Variants in FUS observed in about 807,000 individuals in gnomAD.
FUS encodes the protein FUS RNA binding protein.
FUS carries 5 observed loss-of-function variants against 82.7 expected under a neutral mutation model. That is an observed-to-expected ratio of 0.06 (90% CI 0.03 to 0.13). FUS has a LOEUF of 0.13. Among genes scored for constraint, FUS ranks in the 10% least tolerant of loss-of-function variants. The probability of loss-of-function intolerance (pLI) is 1.00; values close to 1 mark genes in which losing one functional copy is unlikely to be tolerated. For synonymous variants in FUS, 281 were observed against 247.4 expected (o/e 1.14, Z -1.27); for missense variants, 512 against 707.8 (o/e 0.72, Z 3.14).
At chr16:31,181,517 G>A (rs1270818404) in intron 1 of FUS, among the ~76,000 whole-genome samples, 1 of 152,168 alleles carries the variant, frequency 6.6e-6, no homozygotes, top group East Asian at 1.9e-4. Context: ...TCTGTCATTT[G>A]GGGTCCAAGG....
chr16:31,181,757 GT>G (rs2079182927), intron 1 of FUS, among the ~76,000 whole-genome samples: 2 of 152,196 alleles, frequency 1.3e-5, no homozygotes, highest in South Asian at 4.1e-4. Context: ...TTCTCATAGA[GT>G]GGATGAAACG....
intron 3 of FUS, chr16:31,182,885 T>C: frequency 1.8e-6 from 1 of 548,764 alleles, no homozygotes; most frequent in Middle Eastern, 5.0e-4. Flanking sequence ...CCTGGCTAAT[T>C]TTGTGTTTTT....
intron 5 of FUS, 145 bp from the exon 6 acceptor site, chr16:31,184,792 AAG>A: frequency 1.2e-6 from 1 of 842,854 alleles, no homozygotes; most frequent in South Asian, 1.6e-5. Flanking sequence ...TTTAGCTTAA[AAG>A]AGGGTTCCTG....
At chr16:31,192,629 C>T (rs749752270), downstream of FUS, 44 of 483,244 alleles carry the variant, frequency 9.1e-5, no homozygotes, top group African/African-American at 1.8e-4. Context: ...GGCGTGATCT[C>T]GGCTCACTGT....
chr16:31,191,992 G>C (rs1228309572), downstream of FUS: 2 of 533,334 alleles, frequency 3.8e-6, no homozygotes, highest in East Asian at 7.8e-5. Context: ...GCAGTATTCA[G>C]ATTTGACCAT....
intron 10 of FUS, 98 bp downstream of exon 10, chr16:31,189,892 C>CACTT (rs1320450114): frequency 1.2e-6 from 2 of 1,601,494 alleles, no homozygotes; most frequent in Non-Finnish European, 1.7e-6. Context: ...AGTCTTCCAA[C>CACTT]ACTTACTTTA....
At position 31,183,851 on chromosome 16, in the gene FUS, C is replaced by T. The variant is rs775215259; in HGVS notation, c.191-7C>T. 1 of 1,614,132 alleles carries T rather than the reference C, an allele frequency of 6.2e-7. No individual in the cohort carries two copies. Among genetic ancestry groups the T allele is most frequent in the Non-Finnish European group, 8.5e-7 (1 of 1,180,034 alleles). Reference sequence around the variant, plus strand: ...CTTTTGTGACTCCCTTTTTCTTATCCTGGTAGCAGGCTATGGAACTCAGTC... The same window carrying T: ...CTTTTGTGACTCCCTTTTTCTTATCTTGGTAGCAGGCTATGGAACTCAGTC... On this transcript the variant is annotated splice_polypyrimidine_tract_variant and splice_region_variant and intron_variant, in intron 3 of 14. Coordinates refer to ENST00000254108, the MANE Select transcript of FUS (RefSeq NM_004960.4).
downstream of FUS, chr16:31,193,443 G>T (rs140979886): frequency 1.1e-3 from 581 of 527,804 alleles, 2 homozygotes; most frequent in Middle Eastern, 4.7e-3. Context: ...CGATATTTGA[G>T]TAGTTCACTG....
chr16:31,183,889 A>G lies in FUS; in HGVS notation c.222A>G (p.Gly74=), dbSNP rs757454595. 4.3e-5 allele frequency: 70 copies of G among 1,613,922 alleles called. No homozygotes were observed. Among genetic ancestry groups the G allele is most frequent in the Admixed American group, 3.7e-4 (22 of 59,978 alleles). Residue 74 remains glycine, a synonymous_variant, in exon 4 of 15, where the codon GGA becomes GGG. Coordinates refer to ENST00000254108, the MANE Select transcript of FUS (RefSeq NM_004960.4). The part of the protein sequence containing the change: ...TGYGTQSTPQ[G]YGSTGGYGSS... ...ATGGAACTCAGTCAACTCCCCAGGG[A>G]TATGGCTCGACTGGCGGCTATGGCA...
At chr16:31,187,789 A>G (rs190845128) in intron 7 of FUS, 4 of 239,452 alleles carry the variant, frequency 1.7e-5, no homozygotes, top group Admixed American at 1.6e-4. Context: ...TACAATAGCT[A>G]TTATGTATGG....
intron 3 of FUS, chr16:31,183,645 A>C (rs1596892858): frequency 1.7e-6 from 1 of 589,606 alleles, no homozygotes; most frequent in African/African-American, 1.9e-5. Flanking sequence ...TGGCGGGGTG[A>C]AATTGGAACT....
chr16:31,194,411 C>G (rs1294069566), downstream of FUS: 2 of 510,996 alleles, frequency 3.9e-6, no homozygotes, highest in Non-Finnish European at 3.8e-6. Context: ...ACCTCAGCCT[C>G]TGGAGTAGCT....
intron 1 of FUS, among the ~76,000 whole-genome samples, chr16:31,180,693 C>T (rs541694819): frequency 1.7e-3 from 254 of 152,280 alleles, no homozygotes; most frequent in African/African-American, 6.0e-3. Flanking sequence ...TGTCGCGAGA[C>T]CCTTCGCGGA....
At position 31,180,666 on chromosome 16, in the gene FUS, G is replaced by C. The variant is rs571302344; in HGVS notation, c.13+439G>C. Reference sequence around the variant, plus strand: ...GGCGCGGGTACCCCTTCCCCGCCTCGTGTTGGTTCAGCTTTCTGTCGCGAG... The same window carrying C: ...GGCGCGGGTACCCCTTCCCCGCCTCCTGTTGGTTCAGCTTTCTGTCGCGAG... On this transcript the variant is annotated intron_variant, in intron 1 of 14. Transcript: ENST00000254108. Among the ~76,000 whole-genome samples the C allele has an allele frequency of 3.5e-3, 539 of 152,250 alleles. 1 individual carries two copies. The highest frequency in any genetic ancestry group is 6.9e-3 in the Non-Finnish European group (469 of 68,014).
chr16:31,184,406 C>A lies in FUS; in HGVS notation c.523+10C>A. On this transcript the variant is annotated intron_variant, in intron 5 of 14. Coordinates refer to ENST00000254108, the MANE Select transcript of FUS (RefSeq NM_004960.4). ...GGAGGTGGAGGTGGAGGTGAGATGT[C>A]TTCAGCTTTGTCTGCAGCCCATTTT... is the stretch of plus-strand genomic sequence containing the variant. 3 of 1,565,500 alleles carry A rather than the reference C, an allele frequency of 1.9e-6. No homozygotes were observed. Among genetic ancestry groups the A allele is most frequent in the Non-Finnish European group, 2.6e-6 (3 of 1,137,244 alleles).
At chr16:31,193,449 C>T (rs2079386610), downstream of FUS, 2 of 527,866 alleles carry the variant, frequency 3.8e-6, no homozygotes, top group Non-Finnish European at 7.3e-6. Flanking sequence ...TTGAGTAGTT[C>T]ACTGTTGGTG....
At chr16:31,194,401 A>C (rs1426992975), downstream of FUS, 1 of 510,458 alleles carries the variant, frequency 2.0e-6, no homozygotes. Flanking sequence ...CTATCTGCCC[A>C]CCTCAGCCTC....
intron 7 of FUS, 71 bp downstream of exon 7, chr16:31,186,907 C>CT (rs2079278865): frequency 7.1e-7 from 1 of 1,413,464 alleles, no homozygotes; most frequent in South Asian, 1.1e-5. Context: ...TTGCAGATGT[C>CT]TTAGCGTGTT....
At chr16:31,193,988 A>G (rs1321414719), downstream of FUS, 1 of 532,692 alleles carries the variant, frequency 1.9e-6, no homozygotes, top group Non-Finnish European at 3.6e-6. Context: ...TCTGTCTTGA[A>G]GCATTAGGTG....
Sources: gnomAD v4.1 joint callset for allele counts (sites outside exome capture counted in the v4.1 genomes callset) on GRCh38, gnomAD v4.1.1 for gene constraint, MANE v1.5 for transcripts, NCBI Gene and HGNC (gene_info 2026-07-23, HGNC 2026-07-21) for gene names.